Variants in USP13 observed in about 807,000 individuals in gnomAD.
USP13 encodes the protein ubiquitin carboxyl-terminal hydrolase 13.
In USP13, 68 loss-of-function variants were observed where a neutral mutation model predicts 107.8. The observed-to-expected ratio is 0.63, with a 90% CI of 0.52 to 0.77. The LOEUF (loss-of-function observed/expected upper bound fraction) is 0.77, where lower values mean the gene tolerates loss of function less well. USP13 is among the 30% of genes least tolerant of loss of function. The probability of loss-of-function intolerance (pLI) is 0.00; values close to 1 mark genes in which losing one functional copy is unlikely to be tolerated. For missense variants in USP13, 945 were observed against 1,093.3 expected (o/e 0.86, Z 1.91); for synonymous variants, 377 against 389.5 (o/e 0.97, Z 0.38).
Position 179,653,494 on chromosome 3 carries a change from C to T in USP13, c.168+101C>T. The T allele has an allele frequency of 3.4e-6, 5 of 1,451,616 alleles. No homozygotes were observed. Among genetic ancestry groups the T allele is most frequent in the Non-Finnish European group, 3.7e-6 (4 of 1,085,134 alleles). The allele number at this position is 1,451,616 out of a possible 1,614,324, so 89.9% of individuals were successfully genotyped here. On this transcript the variant is annotated intron_variant, in intron 1 of 20. Transcript: ENST00000263966. This position sits in a 1 kb window ranked among gnomAD's most constrained non-coding sequence, Gnocchi z 4.0. ...GTGGCGGCCGGGACCTCTTCTCTTC[C>T]TCCGGGCGGCAGAGTTGGCTCAGGA...
chr3:179,717,253 C>T (rs551016334), intron 6 of USP13, among the ~76,000 whole-genome samples: 1 of 152,328 alleles, frequency 6.6e-6, no homozygotes, highest in African/African-American at 2.4e-5. Flanking sequence ...CCACTGAGGC[C>T]ACTGAAAACT....
intron 8 of USP13, among the ~76,000 whole-genome samples, chr3:179,722,649 A>T (rs1713366449): frequency 6.6e-6 from 1 of 152,118 alleles, no homozygotes; most frequent in East Asian, 1.9e-4. Flanking sequence ...GAATATTCCA[A>T]TTTCACTCTT....
intron 6 of USP13, among the ~76,000 whole-genome samples, chr3:179,711,119 T>C (rs1712908312): frequency 6.6e-6 from 1 of 152,238 alleles, no homozygotes; most frequent in African/African-American, 2.4e-5. Flanking sequence ...CTTACTGTAA[T>C]GTTTTTACTT....
chr3:179,778,333 A>G (rs1195038010), intron 19 of USP13, among the ~76,000 whole-genome samples: 1 of 152,258 alleles, frequency 6.6e-6, no homozygotes, highest in African/African-American at 2.4e-5. Flanking sequence ...ACAGATACTT[A>G]TTAAGTACCT....
intron 8 of USP13, among the ~76,000 whole-genome samples, chr3:179,725,729 T>C (rs1713490297): frequency 6.6e-6 from 1 of 152,240 alleles, no homozygotes; most frequent in African/African-American, 2.4e-5. Flanking sequence ...AAATATTTAT[T>C]GAGTGTCTTT....
chr3:179,664,633 C>T (rs750316650), intron 1 of USP13, among the ~76,000 whole-genome samples: 19 of 152,124 alleles, frequency 1.2e-4, no homozygotes, highest in Admixed American at 3.3e-4. Flanking sequence ...TTAGGACTCC[C>T]CTTGTTCCCA....
chr3:179,750,319 T>TAC (rs1418438691), intron 13 of USP13, among the ~76,000 whole-genome samples: 5 of 43,550 alleles, frequency 1.1e-4, no homozygotes, highest in African/African-American at 3.5e-4. Context: ...TATATATATA[T>TAC]ATGTGTGTAT....
intron 6 of USP13, among the ~76,000 whole-genome samples, chr3:179,709,597 T>C (rs952317401): frequency 6.6e-6 from 1 of 152,218 alleles, no homozygotes; most frequent in Non-Finnish European, 1.5e-5. Context: ...CTTTTGGCCA[T>C]GTTTGTACAG....
At chr3:179,682,921 C>T (rs1317751549) in intron 2 of USP13, among the ~76,000 whole-genome samples, 2 of 152,132 alleles carry the variant, frequency 1.3e-5, no homozygotes, top group Admixed American at 6.6e-5. Context: ...TACCTATTTA[C>T]ACTCTGATCT....
Position 179,721,455 on chromosome 3 carries a change from A to G in USP13, c.954A>G (p.Glu318=), listed in dbSNP as rs1249967298. 3.1e-6 allele frequency: 5 copies of G among 1,614,026 alleles called. 1 individual carries two copies. Among genetic ancestry groups the G allele is most frequent in the Non-Finnish European group, 2.5e-6 (3 of 1,179,990 alleles). ...TCAAGCTGAGGGTCAGTGAGTGGGA[A>G]GTGATCCAGGAGTCGGGCACGAAAC... ...NDIKLRVSEW[E]VIQESGTKLK... Residue 318 remains glutamate (E), a synonymous_variant, in exon 8 of 21, where the codon GAA becomes GAG. Transcript: ENST00000263966. The surrounding 1 kb of genome is among the most constrained non-coding windows in gnomAD (Gnocchi z 4.3).
intron 3 of USP13, among the ~76,000 whole-genome samples, chr3:179,696,890 A>G (rs1304090656): frequency 6.6e-6 from 1 of 152,174 alleles, no homozygotes; most frequent in Non-Finnish European, 1.5e-5. Context: ...CTAATTCCAT[A>G]TATATATATT....
At position 179,653,162 on chromosome 3, in the gene USP13, C is replaced by T. The variant is rs1417832225; in HGVS notation, c.-64C>T. The stretch of plus-strand genomic sequence containing the variant: ...GTCAGCCCGCTCGCTGGCGCCGCCG[C>T]CGCCGGCAGACCCCGCGCTCCGGCT... On this transcript the variant is annotated 5_prime_UTR_variant, in exon 1 of 21. Coordinates refer to ENST00000263966, the MANE Select transcript of USP13 (RefSeq NM_003940.3). This position sits in a 1 kb window ranked among gnomAD's most constrained non-coding sequence, Gnocchi z 4.0. The T allele has an allele frequency of 1.8e-6, 2 of 1,101,914 alleles. 1 individual carries two copies. Among genetic ancestry groups the T allele is most frequent in the East Asian group, 1.0e-4 (2 of 19,300 alleles). The allele number at this position is 1,101,914 out of a possible 1,614,324, so 68.3% of individuals were successfully genotyped here.
At position 179,689,783 on chromosome 3, in the gene USP13, C is replaced by T. The variant is rs570164628; in HGVS notation, c.295-458C>T. Among the ~76,000 whole-genome samples the T allele has an allele frequency of 2.0e-5, 3 of 152,248 alleles. No individual in the cohort carries two copies. In the East Asian group the frequency reaches 5.8e-4, roughly 29 times the overall value. On this transcript the variant is annotated intron_variant, in intron 2 of 20. Coordinates refer to ENST00000263966, the MANE Select transcript of USP13 (RefSeq NM_003940.3). ...TTTCACATGACCAGACTATCAATGACTATTGATATTTATTAAGCCTTTCAA... is the reference window on the plus strand; with the variant it reads ...TTTCACATGACCAGACTATCAATGATTATTGATATTTATTAAGCCTTTCAA...
At chr3:179,772,256 G>T (rs1017008120) in intron 19 of USP13, among the ~76,000 whole-genome samples, 1 of 152,140 alleles carries the variant, frequency 6.6e-6, no homozygotes, top group African/African-American at 2.4e-5. Context: ...CTGACCTATC[G>T]GGGCTTCTGC....
At chr3:179,760,504 C>T (rs547300191) in intron 16 of USP13, among the ~76,000 whole-genome samples, 6 of 152,106 alleles carry the variant, frequency 3.9e-5, no homozygotes, top group East Asian at 1.9e-4. Flanking sequence ...AGGATGGTCT[C>T]GATCTCCTGA....
At chr3:179,757,727 A>C (rs975394755) in intron 16 of USP13, among the ~76,000 whole-genome samples, 2 of 152,364 alleles carry the variant, frequency 1.3e-5, no homozygotes, top group East Asian at 3.9e-4. Context: ...ACAGTAACTA[A>C]TATTAATTTA....
chr3:179,780,285 A>C (rs1167888594), intron 19 of USP13, among the ~76,000 whole-genome samples: 1 of 152,248 alleles, frequency 6.6e-6, no homozygotes, highest in East Asian at 1.9e-4. Flanking sequence ...AGGAAGAAGT[A>C]AAACTGTCTC....
intron 13 of USP13, among the ~76,000 whole-genome samples, chr3:179,746,164 A>G (rs960224963): frequency 6.7e-6 from 1 of 148,632 alleles, no homozygotes; most frequent in Admixed American, 6.7e-5. Flanking sequence ...CATGGCCTCA[A>G]TAGCAGTTCA....
chr3:179,715,700 T>C (rs992085609), intron 6 of USP13, among the ~76,000 whole-genome samples: 18 of 152,070 alleles, frequency 1.2e-4, no homozygotes, highest in Admixed American at 5.9e-4. Context: ...TGGAGTTGTC[T>C]TGTTTTTCTT....
Sources: gnomAD v4.1 joint callset for allele counts (sites outside exome capture counted in the v4.1 genomes callset) on GRCh38, gnomAD v4.1.1 for gene constraint, Gnocchi (gnomAD v3.1) non-coding constraint, MANE v1.5 for transcripts, NCBI Gene and HGNC (gene_info 2026-07-23, HGNC 2026-07-21) for gene names.